The following LILRB4 variants were observed in gnomAD, a reference collection of about 807,000 sequenced individuals.
LILRB4 encodes the protein leukocyte immunoglobulin-like receptor subfamily B member 4.
LILRB4 carries 49 observed loss-of-function variants against 55.2 expected under a neutral mutation model. That is an observed-to-expected ratio of 0.89 (90% CI 0.71 to 1.13). LILRB4 has a LOEUF of 1.13. LILRB4 is among the 50% of genes most tolerant of loss of function. The probability of loss-of-function intolerance (pLI) is 0.00; values close to 1 mark genes in which losing one functional copy is unlikely to be tolerated. For synonymous variants in LILRB4, 229 were observed against 213.8 expected (o/e 1.07, Z -0.62); for missense variants, 590 against 555.2 (o/e 1.06, Z -0.63).
At chr19:54,664,485 G>A (rs1468090082) in exon 4 of LILRB4, 2 of 1,596,688 alleles carry the variant, frequency 1.3e-6, no homozygotes, top group Non-Finnish European at 1.7e-6. Context: ...CATAGTCTCA[G>A]GTGAGGCTCC....
In LILRB4 at chr19:54,665,828, C is replaced by T. The variant is rs2065237840; in HGVS notation, c.771C>T (p.His257=). The change falls in exon 7 of 12, where the codon CAC becomes CAT. Residue 257 remains histidine (H), a synonymous_variant. Transcript: ENST00000430952. The surrounding 1 kb of genome is among the most constrained non-coding windows in gnomAD (Gnocchi z 5.5). ...ATCACGCCCAAGGTCTGAGAAGGCA[C>T]TGGGAGGTACTGATCGGGGTCTTGG... is the stretch of plus-strand genomic sequence containing the variant. 1 of 1,609,172 alleles carries T rather than the reference C, an allele frequency of 6.2e-7. No homozygotes were observed. Among genetic ancestry groups the T allele is most frequent in the Admixed American group, 1.7e-5 (1 of 59,086 alleles).
intron 5 of LILRB4, 49 bp downstream of exon 5, chr19:54,664,898 G>C (rs1338121125): frequency 4.5e-6 from 7 of 1,546,506 alleles, no homozygotes; most frequent in Non-Finnish European, 3.6e-6. Flanking sequence ...CCCGAGGCCT[G>C]TCTCAAGACA....
Position 54,665,056 on chromosome 19 carries a change from G to A in LILRB4, c.707-74G>A, listed in dbSNP as rs759499368. ...GGGTGAGGGGGTCAAGGCTGAAGGA[G>A]ATGTTGCGGGGAGAAGCCGAGCTGA... On this transcript the variant is annotated intron_variant, in intron 5 of 11. Transcript: ENST00000430952. This position sits in a 1 kb window ranked among gnomAD's most constrained non-coding sequence, Gnocchi z 5.5. 7 of 1,567,178 alleles carry A rather than the reference G, an allele frequency of 4.5e-6. No individual in the cohort carries two copies. The Admixed American group carries it at 5.1e-5, about 11-fold the overall frequency.
intron 2 of LILRB4, 21 bp downstream of exon 2, chr19:54,663,588 C>T (rs1236400560): frequency 6.2e-7 from 1 of 1,613,074 alleles, no homozygotes; most frequent in East Asian, 2.2e-5. Flanking sequence ...CCCCAGCTGT[C>T]CCAGGTCCCT....
At chr19:54,664,813 C>T (rs867186940) in exon 5 of LILRB4, 1 of 1,604,216 alleles carries the variant, frequency 6.2e-7, no homozygotes, top group Non-Finnish European at 8.5e-7. Flanking sequence ...CTTGGAGGGT[C>T]CCAGGCCCTC....
At chr19:54,664,283 C>T (rs1373353200) in exon 4 of LILRB4, 1 of 1,614,104 alleles carries the variant, frequency 6.2e-7, no homozygotes, top group South Asian at 1.1e-5. Context: ...GCCCAATGGA[C>T]ACTTTTCTTC....
Position 54,665,203 on chromosome 19 carries a change from G to T in LILRB4, c.757+23G>T. On this transcript the variant is annotated intron_variant, in intron 6 of 11. Transcript: ENST00000430952. This position sits in a 1 kb window ranked among gnomAD's most constrained non-coding sequence, Gnocchi z 5.5. Reference sequence around the variant, plus strand: ...GTGGTGAGTGAGGGGCTCTGAGTGGGAGGTGGGCAGGGTCTAGGGGAGCCA... The same window carrying T: ...GTGGTGAGTGAGGGGCTCTGAGTGGTAGGTGGGCAGGGTCTAGGGGAGCCA... 6.3e-7 allele frequency: 1 copy of T among 1,582,570 alleles called. No individual in the cohort carries two copies. The highest frequency in any genetic ancestry group is 8.6e-7 in the Non-Finnish European group (1 of 1,162,668).
rs11574573 is a variant in LILRB4 at position 54,666,465 on chromosome 19, G to A, written c.988+29G>A. On this transcript the variant is annotated intron_variant, in intron 9 of 11. Coordinates refer to ENST00000430952, the Ensembl canonical transcript of LILRB4. The surrounding 1 kb of genome is among the most constrained non-coding windows in gnomAD (Gnocchi z 4.8). ...AGTGAGAGGCAGAGAAGGTGCACCT[G>A]GGGTGGAGCTGGGGGTCCCAAAATT... 2.5e-3 allele frequency: 4,053 copies of A among 1,613,260 alleles called. 76 individuals are homozygous for A. The African/African-American group carries it at 0.047, about 19-fold the overall frequency.
rs959822231 is a variant in LILRB4 at position 54,665,246 on chromosome 19, A to C, written c.757+66A>C. The C allele has an allele frequency of 6.0e-6, 9 of 1,503,940 alleles. No homozygotes were observed. Among genetic ancestry groups the C allele is most frequent in the Non-Finnish European group, 8.1e-6 (9 of 1,110,660 alleles). The allele number at this position is 1,503,940 out of a possible 1,614,324, so 93.2% of individuals were successfully genotyped here. ...GGGAGCCAAGGGTGGGTTCTGTCCT[A>C]GGTTAAGGCTCCTCTGGAGGTGGTG... On this transcript the variant is annotated intron_variant, in intron 6 of 11. Transcript: ENST00000430952. The surrounding 1 kb of genome is among the most constrained non-coding windows in gnomAD (Gnocchi z 5.5).
rs113209302 is a variant in LILRB4 at position 54,666,927 on chromosome 19, A to G, written c.1041+178A>G. 12,418 of 764,370 alleles carry G rather than the reference A, an allele frequency of 0.016. 153 individuals are homozygous for G. The highest frequency in any genetic ancestry group is 0.019 in the Non-Finnish European group (8,138 of 419,692). The allele number at this position is 764,370 out of a possible 1,614,324, so 47.3% of individuals were successfully genotyped here. A position where few individuals can be genotyped will look rare whatever the true frequency, so the allele number is the denominator to read the frequency against. On this transcript the variant is annotated intron_variant, in intron 10 of 11. Transcript: ENST00000430952. This position sits in a 1 kb window ranked among gnomAD's most constrained non-coding sequence, Gnocchi z 4.8. ...CTCTCTCCTGCTGTCCTGGGACCTC[A>G]TGGGCCTCCTCCCGGGTCCCCTTCC...
rs747999108 is a variant in LILRB4, at chr19:54,665,889, C to G, written c.832C>G (p.Leu278Val). Reference sequence around the variant, plus strand: ...CCTGCTTCTCTCCCTCCTCCTCTTCCTCCTCCTCCAACACTGGCGTCAGGG... The same window carrying G: ...CCTGCTTCTCTCCCTCCTCCTCTTCGTCCTCCTCCAACACTGGCGTCAGGG... The change falls in exon 7 of 12, where the codon CTC (leucine) becomes GTC (valine). Residue 278 changes from leucine to valine, a missense_variant. By Grantham distance (32) the Leu-to-Val change is conservative. Transcript: ENST00000430952. The surrounding 1 kb of genome is among the most constrained non-coding windows in gnomAD (Gnocchi z 5.5). The G allele has an allele frequency of 2.5e-6, 4 of 1,613,626 alleles. No homozygotes were observed. The highest frequency in any genetic ancestry group is 3.4e-6 in the Non-Finnish European group (4 of 1,179,872).
At chr19:54,664,362 G>A (rs2065167114) in exon 4 of LILRB4, 1 of 1,613,892 alleles carries the variant, frequency 6.2e-7, no homozygotes, top group Non-Finnish European at 8.5e-7. Flanking sequence ...GCAGCACCAG[G>A]CTGAATTCCC....
rs1297664639 is a variant in LILRB4 at position 54,663,753 on chromosome 19, G to A, written c.71-1G>A. 1 of 1,613,916 alleles carries A rather than the reference G, an allele frequency of 6.2e-7. No individual in the cohort carries two copies. The highest frequency in any genetic ancestry group is 8.5e-7 in the Non-Finnish European group (1 of 1,179,910). On this transcript the variant is annotated splice_acceptor_variant, in intron 2 of 11. Transcript: ENST00000430952. LOFTEE classifies it high-confidence loss of function. Reference sequence around the variant, plus strand: ...GGATCCAGCCTCTGATTTTCTTCCAGGGCCCCTCCCCAAACCCACCCTCTG... The same window carrying A: ...GGATCCAGCCTCTGATTTTCTTCCAAGGCCCCTCCCCAAACCCACCCTCTG...
Position 54,666,711 on chromosome 19 carries a change from A to G in LILRB4, c.1003A>G (p.Asn335Asp), listed in dbSNP as rs11574576. 524,330 of 1,613,206 alleles carry G rather than the reference A, an allele frequency of 0.33. 90,327 individuals are homozygous for G. The highest frequency in any genetic ancestry group is 0.55 in the East Asian group (24,795 of 44,860). ...TACCCCAGCAGGTGCTGCCGTGAAG[A>G]ACACACAGCCTGAGGACGGGGTGGA... Residue 335 changes from asparagine to aspartate, a missense_variant, in exon 10 of 12, where the codon AAC becomes GAC. Transcript: ENST00000430952. This position sits in a 1 kb window ranked among gnomAD's most constrained non-coding sequence, Gnocchi z 4.8.
chr19:54,665,873 C>A lies in LILRB4; in HGVS notation c.816C>A (p.Leu272=), dbSNP rs768035893. The change falls in exon 7 of 12, where the codon CTC becomes CTA. Residue 272 remains leucine (L), a synonymous_variant. Transcript: ENST00000430952. This position sits in a 1 kb window ranked among gnomAD's most constrained non-coding sequence, Gnocchi z 5.5. Reference sequence around the variant, plus strand: ...TCTTGGTGGTCTCCATCCTGCTTCTCTCCCTCCTCCTCTTCCTCCTCCTCC... The same window carrying A: ...TCTTGGTGGTCTCCATCCTGCTTCTATCCCTCCTCCTCTTCCTCCTCCTCC... 6 of 1,613,816 alleles carry A rather than the reference C, an allele frequency of 3.7e-6. No homozygotes were observed. In the South Asian group the frequency reaches 6.6e-5, roughly 18 times the overall value.
In LILRB4 at chr19:54,665,968, G is replaced by T; in HGVS notation, c.874+37G>T. On this transcript the variant is annotated intron_variant, in intron 7 of 11. Transcript: ENST00000430952. This position sits in a 1 kb window ranked among gnomAD's most constrained non-coding sequence, Gnocchi z 5.5. ...ATTGGGGGACCCGTGGGCTGATGGAGGGTGGGCTCAGGGCACCAGCCAAAG... is the reference window on the plus strand; with the variant it reads ...ATTGGGGGACCCGTGGGCTGATGGATGGTGGGCTCAGGGCACCAGCCAAAG... 1 of 1,613,448 alleles carries T rather than the reference G, an allele frequency of 6.2e-7. No individual in the cohort carries two copies. Among genetic ancestry groups the T allele is most frequent in the Non-Finnish European group, 8.5e-7 (1 of 1,179,604 alleles).
rs778154567 is a variant in LILRB4 at position 54,664,211 on chromosome 19, A to G, written c.381A>G (p.Ser127=). 3.1e-6 allele frequency: 5 copies of G among 1,613,808 alleles called. No homozygotes were observed. In the South Asian group the frequency reaches 5.5e-5, roughly 18 times the overall value. ...GAGCCTACAGTAAACCCACCCTTTCAGCCCTGCCGAGTCCTCTTGTGACCT... is the reference window on the plus strand; with the variant it reads ...GAGCCTACAGTAAACCCACCCTTTCGGCCCTGCCGAGTCCTCTTGTGACCT... The change falls in exon 4 of 12, where the codon TCA becomes TCG. Residue 127 remains serine, a synonymous_variant. Coordinates refer to ENST00000430952, the Ensembl canonical transcript of LILRB4.
At position 54,666,438 on chromosome 19, in the gene LILRB4, T is replaced by A; in HGVS notation, c.988+2T>A. On this transcript the variant is annotated splice_donor_variant, in intron 9 of 11. Coordinates refer to ENST00000430952, the Ensembl canonical transcript of LILRB4. LOFTEE classifies it high-confidence loss of function. This position sits in a 1 kb window ranked among gnomAD's most constrained non-coding sequence, Gnocchi z 4.8. ...CTGACGTCCAGGGAGAAAACTTCTG[T>A]GAGTGAGAGGCAGAGAAGGTGCACC... 1 of 1,614,088 alleles carries A rather than the reference T, an allele frequency of 6.2e-7. No homozygotes were observed. The highest frequency in any genetic ancestry group is 8.5e-7 in the Non-Finnish European group (1 of 1,179,960).
rs2065138636 is a variant in LILRB4, at chr19:54,663,956, CTA to C, written c.275_276del (p.Tyr92CysfsTer19). On this transcript the variant is annotated frameshift_variant, in exon 3 of 12. Transcript: ENST00000430952. LOFTEE classifies it high-confidence loss of function. Reference sequence around the variant, plus strand: ...TCTCCATCCCATCCATGACAGAGGACTATGCAGGGAGATACCGCTGTTACTAT... The same window carrying C: ...TCTCCATCCCATCCATGACAGAGGACTGCAGGGAGATACCGCTGTTACTAT... The C allele has an allele frequency of 6.2e-7, 1 of 1,613,976 alleles. No homozygotes were observed. The highest frequency in any genetic ancestry group is 1.7e-5 in the Admixed American group (1 of 60,010).
Sources: gnomAD v4.1 joint callset for allele counts on GRCh38, gnomAD v4.1.1 for gene constraint, Gnocchi (gnomAD v3.1) non-coding constraint, MANE v1.5 for transcripts, NCBI Gene and HGNC (gene_info 2026-07-23, HGNC 2026-07-21) for gene names.